DCC: variants seen among roughly 807,000 people sequenced by gnomAD.
DCC encodes the protein netrin receptor DCC.
Under a neutral mutation model 172.5 loss-of-function variants are expected in DCC, and 58 were observed. The observed-to-expected ratio is 0.34, with a 90% CI of 0.27 to 0.42. The LOEUF is 0.42. Among genes scored for constraint, DCC ranks in the 10% least tolerant of loss-of-function variants. DCC has a pLI of 1.00. For synonymous variants in DCC, 709 were observed against 644.5 expected (o/e 1.10, Z -1.52); for missense variants, 1,740 against 1,791.0 (o/e 0.97, Z 0.51).
intron 1 of DCC, among the ~76,000 whole-genome samples, chr18:52,401,894 G>A (rs1039528331): frequency 1.2e-4 from 18 of 151,842 alleles, no homozygotes; most frequent in Admixed American, 2.0e-4. Flanking sequence ...ATGTAAAATT[G>A]TGTTTTCAAT....
At chr18:53,130,093 T>C (rs1240102565) in intron 7 of DCC, among the ~76,000 whole-genome samples, 1 of 152,184 alleles carries the variant, frequency 6.6e-6, no homozygotes, top group Non-Finnish European at 1.5e-5. Context: ...TACTTTTTGC[T>C]TGTCTATTTT....
chr18:53,157,551 A>G (rs771295147), intron 8 of DCC, 39 bp downstream of exon 8: 19 of 1,608,958 alleles, frequency 1.2e-5, no homozygotes, highest in Admixed American at 1.2e-4. Flanking sequence ...TTAATCGGTC[A>G]TCTCTTTAAG....
intron 5 of DCC, among the ~76,000 whole-genome samples, chr18:53,008,158 T>C (rs1422449632): frequency 6.6e-6 from 1 of 152,030 alleles, no homozygotes; most frequent in Admixed American, 6.6e-5. Flanking sequence ...AAATATCTTT[T>C]TGTGATTTGT....
Position 53,402,826 on chromosome 18 carries a change from G to C in DCC, c.2868G>C (p.Arg956Ser), listed in dbSNP as rs376346520. The change falls in exon 19 of 29, where the codon AGG becomes AGC. Residue 956 changes from arginine to serine, a missense_variant. Transcript: ENST00000442544. ...SAPKDLTVITREGKPRAVIVS... is the reference protein window; with the variant it reads ...SAPKDLTVITSEGKPRAVIVS... ...CCAAGGACTTGACAGTCATTACTAG[G>C]GAAGGGAAGCCTCGTGCCGTCATTG... 8.7e-6 allele frequency: 14 copies of C among 1,613,920 alleles called. No individual in the cohort carries two copies. The highest frequency in any genetic ancestry group is 1.2e-5 in the Non-Finnish European group (14 of 1,180,004).
intron 1 of DCC, among the ~76,000 whole-genome samples, chr18:52,430,304 T>G (rs1196789344): frequency 1.3e-5 from 2 of 152,048 alleles, no homozygotes; most frequent in South Asian, 4.1e-4. Context: ...CTGCAATGGT[T>G]CAGGTAAATG....
intron 2 of DCC, chr18:52,816,600 C>T (rs2038302407): frequency 6.6e-6 from 1 of 152,158 alleles, no homozygotes; most frequent in Non-Finnish European, 1.5e-5. Flanking sequence ...TCTCATCGAT[C>T]ACACCACTGA....
At chr18:53,167,122 C>A (rs1280246138) in intron 8 of DCC, among the ~76,000 whole-genome samples, 1 of 152,122 alleles carries the variant, frequency 6.6e-6, no homozygotes, top group South Asian at 2.1e-4. Context: ...CCTGAAGCAA[C>A]TAATTAGGTG....
At chr18:52,495,102 C>T (rs1292299143) in intron 1 of DCC, among the ~76,000 whole-genome samples, 3 of 152,014 alleles carry the variant, frequency 2.0e-5, no homozygotes, top group Non-Finnish European at 2.9e-5. Context: ...CAACTGGGCC[C>T]CTCCCCTGAT....
chr18:52,597,876 A>G (rs12456699), intron 1 of DCC, among the ~76,000 whole-genome samples: 13,534 of 152,218 alleles, frequency 0.089, 931 homozygotes, highest in East Asian at 0.4. Flanking sequence ...AGAACAGTGA[A>G]GATATTCTAG....
chr18:52,617,964 C>T (rs759244745), intron 1 of DCC, among the ~76,000 whole-genome samples: 34 of 152,156 alleles, frequency 2.2e-4, no homozygotes, highest in Middle Eastern at 3.4e-3. Flanking sequence ...TGACAGAAAC[C>T]TAATATGAGA....
intron 27 of DCC, among the ~76,000 whole-genome samples, chr18:53,506,421 A>G (rs1377713943): frequency 6.6e-6 from 1 of 152,220 alleles, no homozygotes; most frequent in Non-Finnish European, 1.5e-5. Flanking sequence ...TATAAATAGC[A>G]TCTTATGCTA....
chr18:53,271,490 G>A (rs561485567), intron 12 of DCC, among the ~76,000 whole-genome samples: 2 of 152,272 alleles, frequency 1.3e-5, no homozygotes, highest in South Asian at 4.1e-4. Context: ...TCATCTGCAA[G>A]TTTGACTGGG....
At chr18:52,847,688 C>G (rs1352213555) in intron 2 of DCC, among the ~76,000 whole-genome samples, 2 of 152,224 alleles carry the variant, frequency 1.3e-5, no homozygotes, top group East Asian at 3.9e-4. Flanking sequence ...AAAGAAAAAG[C>G]TTGATACATC....
chr18:52,410,510 A>C (rs528384105), intron 1 of DCC, among the ~76,000 whole-genome samples: 1 of 152,170 alleles, frequency 6.6e-6, no homozygotes, highest in Non-Finnish European at 1.5e-5. Flanking sequence ...GAAAGCCTTC[A>C]CATTGCAACC....
chr18:52,815,100 A>G (rs1276545155), intron 2 of DCC, among the ~76,000 whole-genome samples: 1 of 152,162 alleles, frequency 6.6e-6, no homozygotes, highest in African/African-American at 2.4e-5. Context: ...AAATATAGTA[A>G]AAGACTTTAT....
chr18:53,104,216 C>A (rs1388187040), intron 7 of DCC, among the ~76,000 whole-genome samples: 1 of 151,968 alleles, frequency 6.6e-6, no homozygotes, highest in Non-Finnish European at 1.5e-5. Context: ...TTCTCAGAAT[C>A]TTTTAAGACC....
intron 1 of DCC, among the ~76,000 whole-genome samples, chr18:52,736,709 T>A (rs1217664262): frequency 1.3e-5 from 2 of 152,190 alleles, no homozygotes; most frequent in African/African-American, 4.8e-5. Flanking sequence ...TAGCAAACAG[T>A]GACTTTTTTT....
chr18:52,997,598 G>T (rs774825233), intron 5 of DCC, among the ~76,000 whole-genome samples: 1 of 152,134 alleles, frequency 6.6e-6, no homozygotes. Flanking sequence ...CACGATTGTG[G>T]ATTTGAATCT....
chr18:53,485,740 G>A (rs2045893310), intron 25 of DCC, among the ~76,000 whole-genome samples: 1 of 151,918 alleles, frequency 6.6e-6, no homozygotes, highest in African/African-American at 2.4e-5. Context: ...TGAATTTTCA[G>A]TTAGAATTTA....
Sources: allele counts gnomAD v4.1 joint callset (sites outside exome capture counted in the v4.1 genomes callset), GRCh38; gene constraint gnomAD v4.1.1; transcripts MANE v1.5; gene names NCBI Gene and HGNC (gene_info 2026-07-23, HGNC 2026-07-21).